MOV10L1: variants seen among roughly 807,000 people sequenced by gnomAD.
The protein encoded by MOV10L1 is Mov10 like RNA helicase 1, also known as RNA helicase Mov10l1.
A neutral mutation model predicts 143.8 loss-of-function variants in MOV10L1; 110 were observed. The observed-to-expected ratio is 0.76, with a 90% CI of 0.66 to 0.90. MOV10L1 has a LOEUF of 0.90. Ranked by LOEUF, MOV10L1 falls within the 40% of genes least tolerant of loss-of-function variation. The pLI, the probability that MOV10L1 is intolerant of heterozygous loss-of-function variation, is 0.00. For synonymous variants in MOV10L1, 593 were observed against 581.1 expected (o/e 1.02, Z -0.29); for missense variants, 1,406 against 1,526.8 (o/e 0.92, Z 1.32).
intron 21 of MOV10L1, among the ~76,000 whole-genome samples, chr22:50,151,885 TGG>T (rs2063307500): frequency 6.6e-6 from 1 of 152,208 alleles, no homozygotes; most frequent in South Asian, 2.1e-4. Flanking sequence ...TTGTCCTGTG[TGG>T]GGCCTGGGCA....
chr22:50,150,725 C>G lies in MOV10L1; in HGVS notation c.2728-10C>G, dbSNP rs1569044002. On this transcript the variant is annotated splice_polypyrimidine_tract_variant and intron_variant, in intron 20 of 26. Transcript: ENST00000262794. ...CCCTGCATGAGCTGAGACGGGCCCTCTGTGTGCAGATCGTGCTGGCAGGAG... is the reference window on the plus strand; with the variant it reads ...CCCTGCATGAGCTGAGACGGGCCCTGTGTGTGCAGATCGTGCTGGCAGGAG... 1.2e-6 allele frequency: 2 copies of G among 1,613,266 alleles called. No homozygotes were observed. Among genetic ancestry groups the G allele is most frequent in the Admixed American group, 1.7e-5 (1 of 59,964 alleles).
chr22:50,128,069 G>T (rs555509692), intron 12 of MOV10L1, among the ~76,000 whole-genome samples: 1 of 152,284 alleles, frequency 6.6e-6, no homozygotes, highest in East Asian at 1.9e-4. Context: ...ACCGCACCCA[G>T]CAGACCTTCT....
intron 3 of MOV10L1, among the ~76,000 whole-genome samples, chr22:50,102,382 A>G (rs1476210327): frequency 6.6e-6 from 1 of 152,234 alleles, no homozygotes; most frequent in Non-Finnish European, 1.5e-5. Flanking sequence ...TACATGAGCA[A>G]AAGGTGCGGC....
chr22:50,113,677 A>C lies in MOV10L1; in HGVS notation c.773A>C (p.His258Pro). The C allele has an allele frequency of 1.9e-6, 3 of 1,613,944 alleles. No homozygotes were observed. The highest frequency in any genetic ancestry group is 2.5e-6 in the Non-Finnish European group (3 of 1,179,930). ...RDAAPVHEAT[H>P]FYGTILLKNK... ...GCCGCCCCTGTTCATGAGGCCACTC[A>C]TTTCTATGGAACGATTTTGCTGAAG... The change falls in exon 6 of 27, where the codon CAT (histidine) becomes CCT (proline). Residue 258 changes from histidine (H) to proline (P), a missense_variant. Around this residue, in one of 3 missense-constraint regions of MOV10L1, gnomAD observed 1,233 missense variants for 1,351.4 expected, o/e 0.91. Transcript: ENST00000262794.
At chr22:50,150,986 C>T in intron 21 of MOV10L1, 87 bp downstream of exon 21, 2 of 1,525,628 alleles carry the variant, frequency 1.3e-6, no homozygotes, top group Non-Finnish European at 1.8e-6. Context: ...TTCTGTCCAC[C>T]TGAGTCATCT....
intron 8 of MOV10L1, among the ~76,000 whole-genome samples, chr22:50,116,275 GTC>G (rs1176909690): frequency 1.3e-5 from 2 of 150,716 alleles, no homozygotes; most frequent in Non-Finnish European, 2.9e-5. Flanking sequence ...GTGAAACCCT[GTC>G]TCTACTAAAA....
chr22:50,091,963 T>A lies in MOV10L1; in HGVS notation c.98-38T>A, dbSNP rs764042764. ...GGGTTCACTGTAGCGTACGCTTGCT[T>A]TTATGGCCAAGATAACTTCTTTGTT... On this transcript the variant is annotated intron_variant, in intron 1 of 26. Coordinates refer to ENST00000262794, the MANE Select transcript of MOV10L1 (RefSeq NM_018995.3). 3.8e-6 allele frequency: 6 copies of A among 1,594,592 alleles called. No individual in the cohort carries two copies. The Admixed American group carries it at 8.6e-5, about 23-fold the overall frequency.
rs1477433279 is a variant in MOV10L1 at position 50,114,575 on chromosome 22, C to T, written c.1079C>T (p.Ser360Phe). ...SLNSHTKNKT[S>F]QMSESSLVNN... is the part of the protein sequence containing the mutation. Reference sequence around the variant, plus strand: ...AATAGCCACACAAAAAACAAAACCTCTCAGATGTCGGAGAGCAGTTTGGTG... The same window carrying T: ...AATAGCCACACAAAAAACAAAACCTTTCAGATGTCGGAGAGCAGTTTGGTG... The change falls in exon 7 of 27, where the codon TCT becomes TTT. Residue 360 changes from serine (S) to phenylalanine (F), a missense_variant. Transcript: ENST00000262794. 1 of 1,614,044 alleles carries T rather than the reference C, an allele frequency of 6.2e-7. No individual in the cohort carries two copies.
chr22:50,137,820 A>T (rs62239266), intron 15 of MOV10L1, among the ~76,000 whole-genome samples: 3 of 93,516 alleles, frequency 3.2e-5, no homozygotes, highest in African/African-American at 6.7e-5. Context: ...TACATATATA[A>T]ATATACATAT....
chr22:50,157,761 C>CAAAAAAAAAAAAAAA (rs35212822), intron 22 of MOV10L1, among the ~76,000 whole-genome samples: 1 of 120,326 alleles, frequency 8.3e-6, no homozygotes. Context: ...GGTCTAATAT[C>CAAAAAAAAAAAAAAA]AAAAAAAAAA....
At chr22:50,133,705 G>A (rs1346045567) in intron 13 of MOV10L1, among the ~76,000 whole-genome samples, 3 of 151,884 alleles carry the variant, frequency 2.0e-5, no homozygotes, top group Admixed American at 6.6e-5. Flanking sequence ...CACTATGCCT[G>A]GCTAATTTTT....
At chr22:50,148,385 G>A (rs894306659) in intron 19 of MOV10L1, among the ~76,000 whole-genome samples, 21 of 152,292 alleles carry the variant, frequency 1.4e-4, no homozygotes, top group African/African-American at 4.1e-4. Context: ...ATCATGTGCC[G>A]AGCGAGCTCC....
rs751349342 is a variant in MOV10L1 at position 50,161,371 on chromosome 22, T to C, written c.3558T>C (p.Cys1186=). The stretch of plus-strand genomic sequence containing the variant: ...TCCGCTTCTCCTCTGTCTACAGCTG[T>C]GGCGAGGGGGTGGCAGACCCCTCCT... ...LPPALQSLQN[C]GEGVADPSYP... is the part of the protein sequence containing the mutation. Residue 1186 remains cysteine (C), a synonymous_variant, in exon 27 of 27, where the codon TGT becomes TGC. Transcript: ENST00000262794. The C allele has an allele frequency of 2.5e-6, 4 of 1,594,040 alleles. No individual in the cohort carries two copies. The highest frequency in any genetic ancestry group is 3.4e-6 in the Non-Finnish European group (4 of 1,170,440).
chr22:50,149,958 C>T (rs1283398373), intron 20 of MOV10L1, among the ~76,000 whole-genome samples: 1 of 152,172 alleles, frequency 6.6e-6, no homozygotes, highest in Non-Finnish European at 1.5e-5. Flanking sequence ...GGGGATACAG[C>T]GGTAAAGTCA....
At chr22:50,114,884 G>A (rs376475688) in intron 7 of MOV10L1, among the ~76,000 whole-genome samples, 4 of 152,330 alleles carry the variant, frequency 2.6e-5, no homozygotes, top group Admixed American at 6.5e-5. Context: ...ATTGCTGGGC[G>A]CGCCGGGGCA....
chr22:50,110,165 T>C (rs2061983099), intron 5 of MOV10L1, among the ~76,000 whole-genome samples: 1 of 149,810 alleles, frequency 6.7e-6, no homozygotes, highest in African/African-American at 2.5e-5. Context: ...AAGAAGACTG[T>C]CTTGCCGGGC....
chr22:50,099,967 C>T (rs2062695927), intron 3 of MOV10L1, among the ~76,000 whole-genome samples: 1 of 151,050 alleles, frequency 6.6e-6, no homozygotes, highest in Middle Eastern at 3.4e-3. Flanking sequence ...GGCACCAGGT[C>T]ACTGTTTTGT....
chr22:50,139,495 T>A (rs1310640872), intron 15 of MOV10L1, among the ~76,000 whole-genome samples: 1 of 151,618 alleles, frequency 6.6e-6, no homozygotes, highest in African/African-American at 2.4e-5. Context: ...GAGGATCTCT[T>A]GAGCCCAGGA....
At chr22:50,160,264 T>C (rs1245978035) in intron 24 of MOV10L1, among the ~76,000 whole-genome samples, 1 of 150,532 alleles carries the variant, frequency 6.6e-6, no homozygotes, top group African/African-American at 2.4e-5. Flanking sequence ...TTTTTTTTTT[T>C]TTGAGATGGC....
Sources: gnomAD v4.1 joint callset for allele counts (sites outside exome capture counted in the v4.1 genomes callset) on GRCh38, gnomAD v4.1.1 for gene constraint, gnomAD v4.1.1 regional missense constraint, MANE v1.5 for transcripts, NCBI Gene and HGNC (gene_info 2026-07-23, HGNC 2026-07-21) for gene names.